LRRC72: variants seen among roughly 807,000 people sequenced by gnomAD.
LRRC72 encodes the protein leucine-rich repeat-containing protein 72.
Under a neutral mutation model 35.8 loss-of-function variants are expected in LRRC72, and 41 were observed. The observed-to-expected ratio is 1.15, with a 90% CI of 0.89 to 1.49. The LOEUF is 1.49. Among genes scored for constraint, LRRC72 ranks in the 40% most tolerant of loss-of-function variants. The pLI is 0.00. For synonymous variants in LRRC72, 118 were observed against 119.2 expected (o/e 0.99, Z 0.07); for missense variants, 389 against 330.7 (o/e 1.18, Z -1.37).
chr7:16,556,082 AT>A (rs1345911783), intron 3 of LRRC72, among the ~76,000 whole-genome samples: 7 of 151,864 alleles, frequency 4.6e-5, no homozygotes, highest in Admixed American at 4.6e-4. Context: ...AAAAAAAAAA[AT>A]AGGCGTTCTC....
intron 3 of LRRC72, among the ~76,000 whole-genome samples, chr7:16,541,885 T>A (rs1446652052): frequency 2.0e-5 from 3 of 152,190 alleles, no homozygotes; most frequent in African/African-American, 4.8e-5. Context: ...CATTCCAGCC[T>A]GGGTGACAGA....
rs535922338 is a variant in LRRC72 at position 16,548,036 on chromosome 7, T to G, written c.235-9324T>G. On this transcript the variant is annotated intron_variant, in intron 3 of 8. Transcript: ENST00000401542. The stretch of plus-strand genomic sequence containing the variant: ...ACCAATCAGCAAGCACTTCCTCCCC[T>G]CTAAGGCCCATGAAATCCCTAAACT... Among the ~76,000 whole-genome samples, 64 of 152,240 alleles carry G rather than the reference T, an allele frequency of 4.2e-4. 1 individual carries two copies. Among genetic ancestry groups the G allele is most frequent in the African/African-American group, 1.5e-3 (63 of 41,552 alleles).
Position 16,567,552 on chromosome 7 carries a change from T to TAAAAAAAA in LRRC72, c.670+19_670+26dup, listed in dbSNP as rs11379958. ...CCAGAGAGTACCTTCAGGTATTTCGTAAAAAAAAAAAAAAAAACAAATTTA... is the reference window on the plus strand; with the variant it reads ...CCAGAGAGTACCTTCAGGTATTTCGTAAAAAAAAAAAAAAAAAAAAAAAAACAAATTTA... On this transcript the variant is annotated intron_variant, in intron 7 of 8. Transcript: ENST00000401542. 4.6e-6 allele frequency: 5 copies of TAAAAAAAA among 1,092,168 alleles called. No homozygotes were observed. The highest frequency in any genetic ancestry group is 3.8e-5 in the South Asian group (1 of 26,538). 67.7% of individuals were successfully genotyped at this position (1,092,168 alleles called of 1,614,324 possible). A position where few individuals can be genotyped will look rare whatever the true frequency, so the allele number is the denominator to read the frequency against.
intron 7 of LRRC72, among the ~76,000 whole-genome samples, chr7:16,574,798 A>C (rs1199715228): frequency 6.6e-6 from 1 of 151,540 alleles, no homozygotes; most frequent in Non-Finnish European, 1.5e-5. Context: ...AAAGTATAAT[A>C]AAATATATAT....
At chr7:16,527,702 G>A (rs1782095526) in intron 1 of LRRC72, among the ~76,000 whole-genome samples, 1 of 152,080 alleles carries the variant, frequency 6.6e-6, no homozygotes, top group African/African-American at 2.4e-5. Context: ...CAAAGATGGG[G>A]GGCTGCTGTG....
At chr7:16,546,359 G>A (rs188555952) in intron 3 of LRRC72, among the ~76,000 whole-genome samples, 1,782 of 152,146 alleles carry the variant, frequency 0.012, 23 homozygotes, top group Non-Finnish European at 0.012. Context: ...CTTGGTGGTA[G>A]AGTCTGTCCT....
chr7:16,554,934 T>C (rs967923417), intron 3 of LRRC72, among the ~76,000 whole-genome samples: 2 of 152,202 alleles, frequency 1.3e-5, no homozygotes, highest in African/African-American at 4.8e-5. Context: ...GAGGAAAAAG[T>C]TCTGATTTCC....
At chr7:16,544,353 G>A (rs930608669) in intron 3 of LRRC72, among the ~76,000 whole-genome samples, 21 of 152,136 alleles carry the variant, frequency 1.4e-4, no homozygotes, top group African/African-American at 4.6e-4. Flanking sequence ...GGCAACTCTA[G>A]TTCTTTCATT....
rs879586885 is a variant in LRRC72, at chr7:16,535,976, G to T, written c.165-1651G>T. Among the ~76,000 whole-genome samples the T allele has an allele frequency of 7.9e-5, 12 of 152,174 alleles. 1 individual carries two copies. Among genetic ancestry groups the T allele is most frequent in the African/African-American group, 1.9e-4 (8 of 41,436 alleles). On this transcript the variant is annotated intron_variant, in intron 2 of 8. Transcript: ENST00000401542. Reference sequence around the variant, plus strand: ...CAACCTCTGTCTCCTGGGTTCAAGTGATTCTCCTGCCTCAGTCTCCTAAGT... The same window carrying T: ...CAACCTCTGTCTCCTGGGTTCAAGTTATTCTCCTGCCTCAGTCTCCTAAGT...
rs943247922 is a variant in LRRC72 at position 16,570,041 on chromosome 7, G to GA, written c.670+2510dup. Among the ~76,000 whole-genome samples the GA allele has an allele frequency of 1.0e-2, 1,367 of 136,976 alleles. 17 individuals carry two copies. The highest frequency in any genetic ancestry group is 0.028 in the African/African-American group (1,049 of 37,478). 89.9% of individuals were successfully genotyped at this position (136,976 alleles called of 152,430 possible). ...GGAGATTCCTTCTCAAAAAAGAAAA[G>GA]AAAAAAAAAAAAGAATTCACATAAG... On this transcript the variant is annotated intron_variant, in intron 7 of 8. Coordinates refer to ENST00000401542, the MANE Select transcript of LRRC72 (RefSeq NM_001195280.2).
intron 5 of LRRC72, 36 bp downstream of exon 5, chr7:16,559,035 A>C (rs1379491325): frequency 8.6e-7 from 1 of 1,165,336 alleles, no homozygotes; most frequent in South Asian, 1.4e-5. Context: ...CATAAGTTAA[A>C]ATAGTATTAA....
intron 3 of LRRC72, among the ~76,000 whole-genome samples, chr7:16,551,570 A>T (rs1782549760): frequency 6.6e-6 from 1 of 152,122 alleles, no homozygotes; most frequent in South Asian, 2.1e-4. Context: ...ATGGCCAATG[A>T]TTTAATCAAT....
At chr7:16,574,686 A>C (rs1783007263) in intron 7 of LRRC72, among the ~76,000 whole-genome samples, 1 of 152,086 alleles carries the variant, frequency 6.6e-6, no homozygotes, top group Admixed American at 6.6e-5. Flanking sequence ...ATTAGGAGAA[A>C]TACCTAAAGT....
At chr7:16,529,006 A>T (rs1782119194) in intron 1 of LRRC72, among the ~76,000 whole-genome samples, 1 of 152,188 alleles carries the variant, frequency 6.6e-6, no homozygotes, top group South Asian at 2.1e-4. Flanking sequence ...TATATATTTC[A>T]TATATATGTA....
At chr7:16,541,026 C>G (rs1485580374) in intron 3 of LRRC72, among the ~76,000 whole-genome samples, 1 of 152,182 alleles carries the variant, frequency 6.6e-6, no homozygotes, top group Non-Finnish European at 1.5e-5. Flanking sequence ...CCAAGTGTGG[C>G]TGTTGAAGTT....
chr7:16,573,907 G>A (rs1782992558), intron 7 of LRRC72, among the ~76,000 whole-genome samples: 1 of 152,328 alleles, frequency 6.6e-6, no homozygotes, highest in Admixed American at 6.5e-5. Flanking sequence ...CCATCCATCT[G>A]ATGAAGGGCT....
intron 4 of LRRC72, among the ~76,000 whole-genome samples, chr7:16,558,135 T>C (rs1782682444): frequency 6.6e-6 from 1 of 152,174 alleles, no homozygotes; most frequent in Non-Finnish European, 1.5e-5. Context: ...GGCTTCCAGT[T>C]ATGTACAGAA....
chr7:16,570,802 C>T (rs1178468982), intron 7 of LRRC72, among the ~76,000 whole-genome samples: 2 of 152,100 alleles, frequency 1.3e-5, no homozygotes, highest in Admixed American at 6.6e-5. Context: ...CAGAACGAGA[C>T]CCTCTCTCAA....
chr7:16,554,362 T>A (rs946460674), intron 3 of LRRC72, among the ~76,000 whole-genome samples: 1 of 152,160 alleles, frequency 6.6e-6, no homozygotes, highest in African/African-American at 2.4e-5. Flanking sequence ...GCATTTTATT[T>A]TAATAATAGC....
Sources: gnomAD v4.1 joint callset for allele counts (sites outside exome capture counted in the v4.1 genomes callset) on GRCh38, gnomAD v4.1.1 for gene constraint, MANE v1.5 for transcripts, NCBI Gene and HGNC (gene_info 2026-07-23, HGNC 2026-07-21) for gene names.